The following ERC2 variants were observed in gnomAD, a reference collection of about 807,000 sequenced individuals.
ERC2 encodes ERC protein 2.
In ERC2, 42 loss-of-function variants were observed where a neutral mutation model predicts 114.8. The observed-to-expected ratio is 0.37, with a 90% confidence interval of 0.29 to 0.47. The LOEUF is 0.47. Ranked by LOEUF, ERC2 falls within the 20% of genes least tolerant of loss-of-function variation. The pLI is 0.99. For missense variants in ERC2, 939 were observed against 1,150.7 expected, an observed-to-expected ratio of 0.82 and a Z score of 2.66; for synonymous variants, 454 against 425.5, an observed-to-expected ratio of 1.07 and a Z score of -0.82.
intron 14 of ERC2, among the ~76,000 whole-genome samples, chr3:55,850,433 G>A (rs1459094833): frequency 6.6e-6 from 1 of 152,200 alleles, no homozygotes; most frequent in Non-Finnish European, 1.5e-5. Context: ...ATAACTGGAA[G>A]AAGTAAGTAA....
intron 3 of ERC2, among the ~76,000 whole-genome samples, chr3:56,189,082 G>A (rs2083821436): frequency 6.6e-6 from 1 of 152,152 alleles, no homozygotes; most frequent in Non-Finnish European, 1.5e-5. Context: ...TCTTGAAGAG[G>A]TTAATGGAGC....
chr3:55,836,768 C>T, intron 14 of ERC2, among the ~76,000 whole-genome samples: 1 of 152,124 alleles, frequency 6.6e-6, no homozygotes, highest in Non-Finnish European at 1.5e-5. Flanking sequence ...TCTAATTAAA[C>T]TAAAGAGCTT....
intron 13 of ERC2, among the ~76,000 whole-genome samples, chr3:55,917,535 T>C (rs1179174947): frequency 6.6e-6 from 1 of 152,104 alleles, no homozygotes; most frequent in Non-Finnish European, 1.5e-5. Context: ...AATATATGAA[T>C]AGGCAAATCT....
intron 12 of ERC2, among the ~76,000 whole-genome samples, chr3:55,952,136 A>AACACAC (rs778299355): frequency 0.011 from 798 of 75,422 alleles, 14 homozygotes; most frequent in Non-Finnish European, 0.013. Flanking sequence ...CCATCTCTAA[A>AACACAC]ACACACACAC....
At chr3:55,548,753 C>A (rs184397424) in intron 17 of ERC2, among the ~76,000 whole-genome samples, 15 of 152,216 alleles carry the variant, frequency 9.9e-5, no homozygotes, top group Non-Finnish European at 2.1e-4. Flanking sequence ...TGAGGGGTCC[C>A]AAATGTGCAC....
At chr3:56,444,251 G>A (rs1013293916) in intron 1 of ERC2, among the ~76,000 whole-genome samples, 3 of 151,492 alleles carry the variant, frequency 2.0e-5, no homozygotes, top group Non-Finnish European at 2.9e-5. Flanking sequence ...GATTACAGGC[G>A]TGAGCCACCA....
chr3:55,877,640 T>C (rs2062921875), intron 14 of ERC2, among the ~76,000 whole-genome samples: 1 of 151,604 alleles, frequency 6.6e-6, no homozygotes, highest in Non-Finnish European at 1.5e-5. Context: ...GCCTCCCGAG[T>C]AGCTGGGACC....
Position 56,140,931 on chromosome 3 carries a change from G to A in ERC2, c.1306-1255C>T, listed in dbSNP as rs529097334. On this transcript the variant is annotated intron_variant, in intron 5 of 17. Transcript: ENST00000288221. Reference sequence around the variant, plus strand: ...CCCAGCTACTCGGGAGGCTGAGGCAGGAGAATCACTTGAACCTGAGAGGCA... The same window carrying A: ...CCCAGCTACTCGGGAGGCTGAGGCAAGAGAATCACTTGAACCTGAGAGGCA... 2.6e-3 allele frequency among the ~76,000 whole-genome samples: 399 copies of A among 152,230 alleles called. 2 individuals carry two copies. Among genetic ancestry groups the A allele is most frequent in the African/African-American group, 9.2e-3 (383 of 41,526 alleles).
chr3:55,741,548 T>C (rs1484765852), intron 14 of ERC2, among the ~76,000 whole-genome samples: 1 of 152,192 alleles, frequency 6.6e-6, no homozygotes, highest in Non-Finnish European at 1.5e-5. Context: ...TGAAGAGAGT[T>C]CCATAAGCCT....
At chr3:55,844,906 T>C (rs2061284101) in intron 14 of ERC2, among the ~76,000 whole-genome samples, 1 of 152,206 alleles carries the variant, frequency 6.6e-6, no homozygotes, top group South Asian at 2.1e-4. Context: ...CACCAGGGAC[T>C]GGTTTCAAGG....
chr3:55,813,300 T>C (rs1254852932), intron 14 of ERC2, among the ~76,000 whole-genome samples: 1 of 152,306 alleles, frequency 6.6e-6, no homozygotes, highest in South Asian at 2.1e-4. Context: ...TAAAATTGAA[T>C]AAAATTTAAA....
chr3:55,754,219 A>C (rs2066906741), intron 14 of ERC2, among the ~76,000 whole-genome samples: 1 of 152,114 alleles, frequency 6.6e-6, no homozygotes, highest in South Asian at 2.1e-4. Context: ...CCAGGAGAGA[A>C]AATATTTTAT....
At chr3:55,995,324 T>G (rs2071422286) in intron 10 of ERC2, among the ~76,000 whole-genome samples, 1 of 142,480 alleles carries the variant, frequency 7.0e-6, no homozygotes, top group Non-Finnish European at 1.6e-5. Context: ...AGAGCGATAC[T>G]CCATCTCAAT....
intron 3 of ERC2, among the ~76,000 whole-genome samples, chr3:56,208,792 G>C (rs535096571): frequency 1.2e-4 from 19 of 152,262 alleles, no homozygotes; most frequent in Admixed American, 1.2e-3. Flanking sequence ...TACTGGGGTT[G>C]GGAGGTGCTC....
chr3:55,722,837 C>A (rs2064663312), intron 15 of ERC2, among the ~76,000 whole-genome samples: 1 of 152,154 alleles, frequency 6.6e-6, no homozygotes, highest in African/African-American at 2.4e-5. Flanking sequence ...CAGAATGTAG[C>A]CTGAAAAATT....
At chr3:56,138,713 T>C (rs1267685747) in intron 6 of ERC2, among the ~76,000 whole-genome samples, 1 of 152,180 alleles carries the variant, frequency 6.6e-6, no homozygotes, top group African/African-American at 2.4e-5. Context: ...CACAGCACAG[T>C]GCCTCAACAC....
intron 16 of ERC2, among the ~76,000 whole-genome samples, chr3:55,686,713 A>C (rs888516183): frequency 6.6e-6 from 1 of 152,206 alleles, no homozygotes; most frequent in Non-Finnish European, 1.5e-5. Context: ...AAATGCATCT[A>C]TCAGGCCTGG....
intron 17 of ERC2, among the ~76,000 whole-genome samples, chr3:55,541,981 G>T (rs150670138): frequency 6.6e-6 from 1 of 152,134 alleles, no homozygotes; most frequent in Non-Finnish European, 1.5e-5. Context: ...TTTTCCAAGC[G>T]CTGTGAAAAG....
intron 2 of ERC2, among the ~76,000 whole-genome samples, chr3:56,371,414 T>G (rs1242253258): frequency 6.6e-6 from 1 of 152,208 alleles, no homozygotes; most frequent in Admixed American, 6.5e-5. Context: ...CTCCCCTTTT[T>G]GGATTGTAAA....
Sources: gnomAD v4.1 joint callset for allele counts (sites outside exome capture counted in the v4.1 genomes callset) on GRCh38, gnomAD v4.1.1 for gene constraint, MANE v1.5 for transcripts, NCBI Gene and HGNC (gene_info 2026-07-23, HGNC 2026-07-21) for gene names.